NUP160: variants seen among roughly 807,000 people sequenced by gnomAD.
NUP160 encodes nucleoporin 160.
NUP160 carries 94 observed loss-of-function variants against 196.9 expected under a neutral mutation model. The ratio of observed to expected loss-of-function variants is 0.48; its 90% CI spans 0.40 to 0.57. The LOEUF (loss-of-function observed/expected upper bound fraction) is 0.57. Among genes scored for constraint, NUP160 ranks in the 20% least tolerant of loss-of-function variants. The pLI, the probability that NUP160 is intolerant of heterozygous loss-of-function variation, is 0.00. For synonymous variants in NUP160, 605 were observed against 619.7 expected (o/e 0.98, Z 0.35); for missense variants, 1,638 against 1,748.3 (o/e 0.94, Z 1.13).
chr11:47,818,140 A>C lies in NUP160; in HGVS notation c.1363-16T>G, dbSNP rs889907743. The C allele has an allele frequency of 4.5e-6, 7 of 1,561,920 alleles. No homozygotes were observed. In the African/African-American group the frequency reaches 9.5e-5, roughly 21 times the overall value. On this transcript the variant is annotated splice_polypyrimidine_tract_variant and intron_variant, in intron 10 of 35. Coordinates refer to ENST00000378460, the Ensembl canonical transcript of NUP160. Reference sequence around the variant, plus strand: ...GATACATCTCCTATTAGAACATTAAAACAAAAGTTACTATTGTCCTAAACA... The same window carrying C: ...GATACATCTCCTATTAGAACATTAACACAAAAGTTACTATTGTCCTAAACA...
In NUP160 at chr11:47,829,487, A is replaced by G. The variant is rs183434997; in HGVS notation, c.1101+6164T>C. Reference sequence around the variant, plus strand: ...TGCCCGGCTAATTTTTTGTATTTTTATTAGAGATGGGGTTTCACCATATTG... The same window carrying G: ...TGCCCGGCTAATTTTTTGTATTTTTGTTAGAGATGGGGTTTCACCATATTG... On this transcript the variant is annotated intron_variant, in intron 7 of 35. Transcript: ENST00000378460. Among the ~76,000 whole-genome samples the G allele has an allele frequency of 3.7e-3, 567 of 152,090 alleles. 1 individual carries two copies. The highest frequency in any genetic ancestry group is 5.7e-3 in the Admixed American group (87 of 15,256).
chr11:47,822,261 A>ATTT, intron 7 of NUP160, 97 bp from the exon 8 acceptor site: 5 of 615,274 alleles, frequency 8.1e-6, no homozygotes, highest in Admixed American at 3.5e-5. Flanking sequence ...TTAAAAAAAA[A>ATTT]TTTTTTTTTT....
chr11:47,812,700 T>C (rs765066105), intron 15 of NUP160, among the ~76,000 whole-genome samples, 182 bp downstream of exon 15: 14 of 152,266 alleles, frequency 9.2e-5, no homozygotes, highest in Non-Finnish European at 1.3e-4. Context: ...AGTCTATTTC[T>C]AGACTTGAAG....
chr11:47,784,977 TTGA>T, exon 33 of NUP160: 1 of 1,605,546 alleles, frequency 6.2e-7, no homozygotes, highest in Non-Finnish European at 8.5e-7. Flanking sequence ...CAAGAGCTTG[TTGA>T]TTACACAGTG....
intron 31 of NUP160, among the ~76,000 whole-genome samples, chr11:47,787,914 G>A (rs2097665592): frequency 6.6e-6 from 1 of 152,030 alleles, no homozygotes; most frequent in South Asian, 2.1e-4. Flanking sequence ...AGTAGAGACG[G>A]GGTTTCACCT....
intron 17 of NUP160, among the ~76,000 whole-genome samples, chr11:47,811,600 G>A (rs752654749): frequency 6.6e-6 from 1 of 152,042 alleles, no homozygotes; most frequent in Non-Finnish European, 1.5e-5. Flanking sequence ...TTTTGGGAGA[G>A]CCAACTTGGG....
chr11:47,782,305 TATATATATATATATATATA>T (rs1209695387), intron 34 of NUP160, among the ~76,000 whole-genome samples: 2 of 10,568 alleles, frequency 1.9e-4, no homozygotes, highest in Admixed American at 1.4e-3. Context: ...AAAAAAAAAA[TATATATATATATATATATA>T]TATATATATA....
intron 23 of NUP160, among the ~76,000 whole-genome samples, chr11:47,800,681 C>T (rs1038271550): frequency 3.3e-5 from 5 of 152,086 alleles, no homozygotes; most frequent in African/African-American, 1.2e-4. Flanking sequence ...TGAGCCATCG[C>T]GTCCGGCCAA....
chr11:47,839,739 G>A (rs933591798), intron 4 of NUP160, 104 bp downstream of exon 4: 25 of 931,696 alleles, frequency 2.7e-5, no homozygotes, highest in Admixed American at 5.3e-5. Flanking sequence ...GACCAGTTCC[G>A]GGGCAGTAGA....
At chr11:47,815,831 T>A (rs1599328781) in intron 12 of NUP160, 115 bp downstream of exon 12, 1 of 985,326 alleles carries the variant, frequency 1.0e-6, no homozygotes, top group East Asian at 2.5e-5. Flanking sequence ...TTTAAACATT[T>A]ATATGTTCCA....
intron 35 of NUP160, among the ~76,000 whole-genome samples, chr11:47,780,128 G>A (rs1439969413): frequency 6.6e-6 from 1 of 152,168 alleles, no homozygotes; most frequent in Non-Finnish European, 1.5e-5. Context: ...ATTTGTCTCT[G>A]TATAATTAAC....
exon 34 of NUP160, chr11:47,783,147 C>G: frequency 6.2e-7 from 1 of 1,613,978 alleles, no homozygotes; most frequent in Non-Finnish European, 8.5e-7. Context: ...ACAGCTTCTT[C>G]TAAAAGGTCA....
intron 2 of NUP160, among the ~76,000 whole-genome samples, chr11:47,846,340 T>C (rs1852403124): frequency 6.6e-6 from 1 of 152,176 alleles, no homozygotes; most frequent in African/African-American, 2.4e-5. Flanking sequence ...GCCTTAGACC[T>C]GTAAACTTCA....
rs774114700 is a variant in NUP160, at chr11:47,798,351, T to C, written c.2991+17A>G. 13 of 1,581,888 alleles carry C rather than the reference T, an allele frequency of 8.2e-6. No homozygotes were observed. Among genetic ancestry groups the C allele is most frequent in the Non-Finnish European group, 1.1e-5 (13 of 1,151,624 alleles). On this transcript the variant is annotated intron_variant, in intron 24 of 35. Transcript: ENST00000378460. The stretch of plus-strand genomic sequence containing the variant: ...ACAAACCTTAAAGAAAACAACCAAA[T>C]TGCAGCCAATTCTTACCTGACTTTT...
At chr11:47,843,869 C>A (rs1395166079) in intron 2 of NUP160, among the ~76,000 whole-genome samples, 1 of 152,224 alleles carries the variant, frequency 6.6e-6, no homozygotes, top group South Asian at 2.1e-4. Context: ...AACTTCTCCA[C>A]TCAACTCCTG....
intron 17 of NUP160, among the ~76,000 whole-genome samples, chr11:47,809,543 G>A (rs1201633296): frequency 3.9e-5 from 6 of 152,028 alleles, no homozygotes; most frequent in Non-Finnish European, 7.4e-5. Flanking sequence ...GAGGCCAGGA[G>A]TTCGAGACCA....
chr11:47,843,004 A>T (rs1053462309), intron 2 of NUP160, among the ~76,000 whole-genome samples: 15 of 152,098 alleles, frequency 9.9e-5, no homozygotes, highest in African/African-American at 3.4e-4. Context: ...AAACAAACAA[A>T]CAAATGAATA....
intron 4 of NUP160, 37 bp downstream of exon 4, chr11:47,839,806 G>T: frequency 6.6e-7 from 1 of 1,519,890 alleles, no homozygotes; most frequent in Non-Finnish European, 9.1e-7. Flanking sequence ...AACATTCCTT[G>T]TTTAAAGTTA....
chr11:47,819,457 T>C, exon 10 of NUP160: 1 of 1,609,306 alleles, frequency 6.2e-7, no homozygotes, highest in South Asian at 1.1e-5. Context: ...CCTGCAACAT[T>C]ACTAGAGACA....
Sources: allele counts gnomAD v4.1 joint callset (sites outside exome capture counted in the v4.1 genomes callset), GRCh38; gene constraint gnomAD v4.1.1; transcripts MANE v1.5; gene names NCBI Gene and HGNC (gene_info 2026-07-23, HGNC 2026-07-21).